The following NFX1 variants were observed in gnomAD, a reference collection of about 807,000 sequenced individuals.
NFX1 encodes transcriptional repressor NF-X1.
NFX1 carries 69 observed loss-of-function variants against 137.2 expected under a neutral mutation model. The observed-to-expected ratio is 0.50, with a 90% CI of 0.41 to 0.61. The LOEUF (loss-of-function observed/expected upper bound fraction) is 0.61. Among genes scored for constraint, NFX1 ranks in the 20% least tolerant of loss-of-function variants. NFX1 has a pLI of 0.00. For missense variants in NFX1, 1,167 were observed against 1,391.0 expected (o/e 0.84, Z 2.56); for synonymous variants, 495 against 474.1 (o/e 1.04, Z -0.57).
chr9:33,348,743 C>T, intron 15 of NFX1: 2 of 984,108 alleles, frequency 2.0e-6, no homozygotes, highest in Non-Finnish European at 2.4e-6. Flanking sequence ...ATTTATTGTA[C>T]AGTTGAGAAG....
intron 1 of NFX1, among the ~76,000 whole-genome samples, chr9:33,293,007 A>T (rs116902664): frequency 6.6e-6 from 1 of 152,168 alleles, no homozygotes; most frequent in Non-Finnish European, 1.5e-5. Context: ...AATTCTGCCT[A>T]TGTGAAAGCT....
In NFX1 at chr9:33,370,386, G is replaced by C. The variant is rs1455247461; in HGVS notation, c.*408G>C. On this transcript the variant is annotated 3_prime_UTR_variant, in exon 24 of 24. Transcript: ENST00000379540. ...CTGAAAATGCCTGAAACATCAGACA[G>C]ACATTGCTTGCTTTACCCAAACTGA... The C allele has an allele frequency of 6.3e-6, 1 of 158,316 alleles. No homozygotes were observed. Among genetic ancestry groups the C allele is most frequent in the Non-Finnish European group, 1.4e-5 (1 of 72,532 alleles). The allele number at this position is 158,316 out of a possible 1,614,324, so 9.8% of individuals were successfully genotyped here. A position where few individuals can be genotyped will look rare whatever the true frequency, so the allele number is the denominator to read the frequency against.
intron 4 of NFX1, among the ~76,000 whole-genome samples, chr9:33,304,173 A>T (rs746175912): frequency 1.2e-4 from 18 of 152,190 alleles, no homozygotes; most frequent in Non-Finnish European, 2.5e-4. Context: ...GAGGCAGGAG[A>T]ATCGCTTGAA....
chr9:33,353,615 A>G (rs2118647533), intron 17 of NFX1, among the ~76,000 whole-genome samples: 1 of 151,688 alleles, frequency 6.6e-6, no homozygotes, highest in East Asian at 1.9e-4. Flanking sequence ...GAGATATGAC[A>G]TAAATATGTA....
At chr9:33,353,002 C>T in intron 17 of NFX1, 1 of 325,880 alleles carries the variant, frequency 3.1e-6, no homozygotes, top group Non-Finnish European at 5.7e-6. Flanking sequence ...CTTGGCCTCC[C>T]AAAGTGCTGG....
chr9:33,361,997 TGTA>T (rs1331111993), intron 19 of NFX1, among the ~76,000 whole-genome samples: 5 of 151,834 alleles, frequency 3.3e-5, no homozygotes, highest in Non-Finnish European at 5.9e-5. Flanking sequence ...GTGGCACACT[TGTA>T]GTGCCAGCTA....
intron 7 of NFX1, among the ~76,000 whole-genome samples, chr9:33,318,396 G>A (rs1822254254): frequency 6.6e-6 from 1 of 152,174 alleles, no homozygotes; most frequent in African/African-American, 2.4e-5. Context: ...TTCAGCCACG[G>A]CCTTATGGAC....
At chr9:33,361,404 A>G (rs540247202) in intron 19 of NFX1, among the ~76,000 whole-genome samples, 1 of 152,196 alleles carries the variant, frequency 6.6e-6, no homozygotes, top group Non-Finnish European at 1.5e-5. Context: ...CAAGCTAATT[A>G]GCATATGCAT....
At position 33,343,004 on chromosome 9, in the gene NFX1, T is replaced by G. The variant is rs576276387; in HGVS notation, c.2224+150T>G. 15 of 605,640 alleles carry G rather than the reference T, an allele frequency of 2.5e-5. No homozygotes were observed. The South Asian group carries it at 3.4e-4, about 14-fold the overall frequency. The allele number at this position is 605,640 out of a possible 1,614,324, so 37.5% of individuals were successfully genotyped here. On this transcript the variant is annotated intron_variant, in intron 13 of 23. Transcript: ENST00000379540. ...TGTTGAGACTTTTTTTAAAGTTACT[T>G]CTAATGCTGTGTTGTAGTCCCTGAA...
intron 1 of NFX1, among the ~76,000 whole-genome samples, chr9:33,293,542 TAAAATA>T (rs1320796585): frequency 6.6e-6 from 1 of 152,258 alleles, no homozygotes; most frequent in Admixed American, 6.5e-5. Context: ...TTCCTGAAGT[TAAAATA>T]AGTGATAAGT....
At chr9:33,331,100 A>G (rs2118487323) in intron 10 of NFX1, among the ~76,000 whole-genome samples, 1 of 152,282 alleles carries the variant, frequency 6.6e-6, no homozygotes, top group Admixed American at 6.5e-5. Context: ...CAGGAAGTGG[A>G]GCTTGCAGTG....
At chr9:33,305,811 G>A (rs571032866) in intron 4 of NFX1, among the ~76,000 whole-genome samples, 3 of 152,314 alleles carry the variant, frequency 2.0e-5, no homozygotes, top group African/African-American at 4.8e-5. Flanking sequence ...ATGTTGAGCT[G>A]GAGGAGTGAG....
rs553906346 is a variant in NFX1 at position 33,313,636 on chromosome 9, C to T, written c.1449-18C>T. The T allele has an allele frequency of 5.0e-6, 8 of 1,613,238 alleles. No individual in the cohort carries two copies. In the South Asian group the frequency reaches 7.7e-5, roughly 16 times the overall value. On this transcript the variant is annotated intron_variant, in intron 6 of 23. Coordinates refer to ENST00000379540, the MANE Select transcript of NFX1 (RefSeq NM_002504.6). ...AACTTTTACACTGATGCTGTCTTTA[C>T]ATCTATTGTCTTTACAGGCACACAG...
intron 13 of NFX1, among the ~76,000 whole-genome samples, 191 bp from the exon 14 acceptor site, chr9:33,343,878 C>A (rs998110422): frequency 1.3e-5 from 2 of 152,084 alleles, no homozygotes; most frequent in African/African-American, 4.8e-5. Context: ...TCTGTTCATG[C>A]CTTTTTCACC....
chr9:33,367,875 C>T (rs891104763), intron 23 of NFX1, among the ~76,000 whole-genome samples: 3 of 151,294 alleles, frequency 2.0e-5, no homozygotes, highest in Admixed American at 1.3e-4. Flanking sequence ...TAGATGGTGA[C>T]ACTGGGAAGT....
chr9:33,298,424 A>G (rs1287530200), intron 2 of NFX1, among the ~76,000 whole-genome samples: 1 of 152,238 alleles, frequency 6.6e-6, no homozygotes, highest in Non-Finnish European at 1.5e-5. Context: ...GGTTCTGAGT[A>G]AGATGAGAGG....
At chr9:33,317,116 C>CG (rs1195308388) in intron 7 of NFX1, among the ~76,000 whole-genome samples, 1 of 151,786 alleles carries the variant, frequency 6.6e-6, no homozygotes, top group African/African-American at 2.4e-5. Flanking sequence ...AGTTTTAGAA[C>CG]GGGGGAAAAA....
At chr9:33,339,671 C>T (rs187555366) in intron 12 of NFX1, among the ~76,000 whole-genome samples, 18 of 152,342 alleles carry the variant, frequency 1.2e-4, no homozygotes, top group Non-Finnish European at 2.1e-4. Flanking sequence ...CAAGGCAAGT[C>T]GCTTTGCCTA....
At chr9:33,332,598 A>T in intron 11 of NFX1, 96 bp downstream of exon 11, 4 of 823,420 alleles carry the variant, frequency 4.9e-6, no homozygotes, top group African/African-American at 1.7e-5. Context: ...GTCAAAATTC[A>T]GTGAAGGCAT....
Sources: allele counts gnomAD v4.1 joint callset (sites outside exome capture counted in the v4.1 genomes callset), GRCh38; gene constraint gnomAD v4.1.1; transcripts MANE v1.5; gene names NCBI Gene and HGNC (gene_info 2026-07-23, HGNC 2026-07-21).